The following CFTR variants were observed in gnomAD, a reference collection of about 807,000 sequenced individuals.
CFTR encodes the protein CF transmembrane conductance regulator, also known as cystic fibrosis transmembrane conductance regulator.
A neutral mutation model predicts 171.6 loss-of-function variants in CFTR; 181 were observed. That is an observed-to-expected ratio of 1.05 (90% CI 0.93 to 1.19). CFTR has a LOEUF of 1.19. Ranked by LOEUF, CFTR falls within the 50% of genes most tolerant of loss-of-function variation. CFTR has a pLI of 0.00. For synonymous variants in CFTR, 583 were observed against 608.0 expected (o/e 0.96, Z 0.60); for missense variants, 1,968 against 1,734.7 (o/e 1.13, Z -2.39).
At chr7:117,590,467 A>G in intron 13 of CFTR, 28 bp downstream of exon 13, 1 of 1,588,466 alleles carries the variant, frequency 6.3e-7, no homozygotes, top group East Asian at 2.3e-5. Flanking sequence ...CTTACTTATA[A>G]TGCTCATGCT....
chr7:117,650,181 T>C (rs572815288), intron 23 of CFTR, among the ~76,000 whole-genome samples: 1 of 152,268 alleles, frequency 6.6e-6, no homozygotes, highest in South Asian at 2.1e-4. Flanking sequence ...TCTGTTGTAG[T>C]GAATTGCTTT....
chr7:117,514,183 T>C (rs1217136757), intron 3 of CFTR, among the ~76,000 whole-genome samples: 2 of 151,498 alleles, frequency 1.3e-5, no homozygotes, highest in African/African-American at 4.8e-5. Context: ...TTTTTTTTTA[T>C]TTTTTCTTCT....
At chr7:117,634,202 G>A (rs2188150) in intron 22 of CFTR, among the ~76,000 whole-genome samples, 24,413 of 151,898 alleles carry the variant, frequency 0.16, 2,273 homozygotes, top group Non-Finnish European at 0.2. Context: ...TTTCTCATGC[G>A]AGTTTTAGCA....
chr7:117,496,055 C>T (rs1254930393), intron 1 of CFTR, among the ~76,000 whole-genome samples: 1 of 152,176 alleles, frequency 6.6e-6, no homozygotes, highest in Non-Finnish European at 1.5e-5. Flanking sequence ...TCGCCCTAGA[C>T]AACTACAAAT....
chr7:117,486,389 C>T (rs183849201), intron 1 of CFTR, among the ~76,000 whole-genome samples: 3 of 152,218 alleles, frequency 2.0e-5, no homozygotes, highest in East Asian at 3.9e-4. Context: ...CTTTATGGAA[C>T]AAATTATCTG....
Position 117,559,398 on chromosome 7 carries a change from AT to A in CFTR, c.1393-64del. 3 of 998,124 alleles carry A rather than the reference AT, an allele frequency of 3.0e-6. No individual in the cohort carries two copies. In the South Asian group the frequency reaches 3.8e-5, roughly 13 times the overall value. The allele number at this position is 998,124 out of a possible 1,614,324, so 61.8% of individuals were successfully genotyped here. ...ATATACACTTCTGCTTAGGATGATA[AT>A]TGGAGGCAAGTGAATCCTGAGCGTG... On this transcript the variant is annotated intron_variant, in intron 10 of 26. Coordinates refer to ENST00000003084, the MANE Select transcript of CFTR (RefSeq NM_000492.4).
intron 23 of CFTR, among the ~76,000 whole-genome samples, chr7:117,650,217 A>G (rs1793069958): frequency 6.6e-6 from 1 of 152,200 alleles, no homozygotes; most frequent in Admixed American, 6.6e-5. Flanking sequence ...ATGGATGGGT[A>G]GAGATGCAAG....
chr7:117,631,980 G>A (rs1792754330), intron 22 of CFTR, among the ~76,000 whole-genome samples: 1 of 152,248 alleles, frequency 6.6e-6, no homozygotes, highest in South Asian at 2.1e-4. Context: ...GCATTGCTTG[G>A]TGTCGAAAAC....
At chr7:117,629,223 C>T (rs1342469266) in intron 22 of CFTR, among the ~76,000 whole-genome samples, 2 of 152,152 alleles carry the variant, frequency 1.3e-5, no homozygotes, top group African/African-American at 4.8e-5. Flanking sequence ...CACTGCAAGG[C>T]ACTCTCTAGG....
intron 9 of CFTR, among the ~76,000 whole-genome samples, chr7:117,543,025 C>T (rs1305119454): frequency 1.3e-5 from 2 of 152,172 alleles, no homozygotes; most frequent in Non-Finnish European, 2.9e-5. Context: ...CAAATTCTAT[C>T]ATACTGCTCC....
chr7:117,600,067 T>C (rs1792199697), intron 15 of CFTR, among the ~76,000 whole-genome samples: 1 of 152,040 alleles, frequency 6.6e-6, no homozygotes, highest in African/African-American at 2.4e-5. Flanking sequence ...TTAGGTAAAA[T>C]AGGCTTCCCT....
intron 1 of CFTR, among the ~76,000 whole-genome samples, chr7:117,496,421 C>T (rs1010253225): frequency 5.9e-5 from 9 of 152,130 alleles, no homozygotes; most frequent in Non-Finnish European, 1.0e-4. Flanking sequence ...CTAGGCTGCT[C>T]TCAAACTCCA....
rs199742619 is a variant in CFTR at position 117,540,337 on chromosome 7, C to A, written c.1107C>A (p.Asn369Lys). ...GGTATGACTCTCTTGGAGCAATAAA[C>A]AAAATACAGGTAATGTACCATAATG... ...QTWYDSLGAI[N>K]KIQDFLQKQE... The change falls in exon 8 of 27, where the codon AAC becomes AAA. Residue 369 changes from asparagine (N) to lysine (K), a missense_variant. Coordinates refer to ENST00000003084, the MANE Select transcript of CFTR (RefSeq NM_000492.4). The A allele has an allele frequency of 1.2e-6, 2 of 1,613,254 alleles. No individual in the cohort carries two copies. Among genetic ancestry groups the A allele is most frequent in the African/African-American group, 1.3e-5 (1 of 75,008 alleles).
At chr7:117,605,128 G>C (rs1006291092) in intron 17 of CFTR, 5 of 152,194 alleles carry the variant, frequency 3.3e-5, no homozygotes, top group Admixed American at 3.3e-4. Flanking sequence ...TTCCCACAGA[G>C]GGTGCACTGG....
At chr7:117,573,900 T>C (rs1791731602) in intron 11 of CFTR, among the ~76,000 whole-genome samples, 1 of 152,140 alleles carries the variant, frequency 6.6e-6, no homozygotes, top group East Asian at 1.9e-4. Context: ...ACAACAATTT[T>C]TGTGGATAAC....
intron 14 of CFTR, among the ~76,000 whole-genome samples, chr7:117,594,637 C>T (rs1450461612): frequency 1.3e-5 from 2 of 151,984 alleles, no homozygotes; most frequent in Non-Finnish European, 2.9e-5. Context: ...CACTGTTAAG[C>T]CTTTAATGGT....
intron 1 of CFTR, 34 bp from the exon 2 acceptor site, chr7:117,504,218 CA>C: frequency 8.0e-7 from 1 of 1,252,122 alleles, no homozygotes; most frequent in Non-Finnish European, 1.2e-6. Context: ...GAGACCAAAT[CA>C]AGTGAATATC....
intron 10 of CFTR, among the ~76,000 whole-genome samples, chr7:117,556,057 A>G (rs1799347005): frequency 6.6e-6 from 1 of 151,998 alleles, no homozygotes; most frequent in East Asian, 1.9e-4. Context: ...TCTCTATAAG[A>G]TTTTGTTATT....
At chr7:117,482,977 T>A (rs1339847802) in intron 1 of CFTR, among the ~76,000 whole-genome samples, 1 of 152,224 alleles carries the variant, frequency 6.6e-6, no homozygotes, top group Admixed American at 6.5e-5. Context: ...GGGTCTCCTG[T>A]AAACTCTGCA....
Sources: gnomAD v4.1 joint callset for allele counts (sites outside exome capture counted in the v4.1 genomes callset) on GRCh38, gnomAD v4.1.1 for gene constraint, MANE v1.5 for transcripts, NCBI Gene and HGNC (gene_info 2026-07-23, HGNC 2026-07-21) for gene names.